Variants in ANOS1 observed in about 807,000 individuals in gnomAD.
ANOS1 encodes anosmin 1, also known as anosmin-1.
In ANOS1, 6 loss-of-function variants were observed where a neutral mutation model predicts 59.0. The observed-to-expected ratio is 0.10, with a 90% CI of 0.06 to 0.20. The LOEUF (loss-of-function observed/expected upper bound fraction) is 0.20. Ranked by LOEUF, ANOS1 falls within the 10% of genes least tolerant of loss-of-function variation. ANOS1 has a pLI of 1.00. For synonymous variants in ANOS1, 217 were observed against 223.4 expected, an observed-to-expected ratio of 0.97 and a Z score of 0.25; for missense variants, 433 against 542.3, an observed-to-expected ratio of 0.80 and a Z score of 2.00.
Position 8,542,977 on chromosome X carries a change from C to A in ANOS1, c.1355-3219G>T, listed in dbSNP as rs1231616559. On this transcript the variant is annotated intron_variant, in intron 9 of 13. Transcript: ENST00000262648. ...ATTCATCTCATGCAGACACTCCTCT[C>A]GTTCCCAATGTTTTGTTTGATTCTG... Among the ~76,000 whole-genome samples, 24 of 111,275 alleles carry A rather than the reference C, an allele frequency of 2.2e-4. No individual in the cohort carries two copies. The Admixed American group carries it at 2.3e-3, about 11-fold the overall frequency.
intron 7 of ANOS1, among the ~76,000 whole-genome samples, chrX:8,569,164 A>G (rs1358717752): frequency 1.8e-5 from 2 of 112,071 alleles, no homozygotes; most frequent in Non-Finnish European, 3.8e-5. Context: ...TTTCTGTCAT[A>G]ATGTATTGGG....
intron 1 of ANOS1, among the ~76,000 whole-genome samples, chrX:8,722,255 C>T (rs761120463): frequency 9.0e-6 from 1 of 111,496 alleles, no homozygotes; most frequent in South Asian, 3.8e-4. Context: ...TTTGGTTACA[C>T]AAGTAAGTTC....
intron 1 of ANOS1, among the ~76,000 whole-genome samples, chrX:8,707,811 T>C (rs1932788298): frequency 8.9e-6 from 1 of 111,926 alleles, no homozygotes; most frequent in South Asian, 3.7e-4. Flanking sequence ...ACCCTTAGGG[T>C]GCATTATAAC....
chrX:8,580,759 T>G (rs1157815725), intron 6 of ANOS1, among the ~76,000 whole-genome samples: 2 of 111,705 alleles, frequency 1.8e-5, no homozygotes, highest in African/African-American at 6.5e-5. Flanking sequence ...GCTGTTTAAT[T>G]TTACTTTTAT....
chrX:8,626,329 T>C (rs1266499357), intron 2 of ANOS1, among the ~76,000 whole-genome samples: 5 of 109,906 alleles, frequency 4.5e-5, no homozygotes, highest in African/African-American at 6.6e-5. Flanking sequence ...ATTAAGAACA[T>C]ATATTTCTCA....
intron 6 of ANOS1, among the ~76,000 whole-genome samples, chrX:8,582,386 A>G (rs892075556): frequency 3.4e-4 from 38 of 111,994 alleles, no homozygotes; most frequent in African/African-American, 1.2e-3. Context: ...AAATGCCAAT[A>G]TCCTGAAGCA....
chrX:8,662,718 A>G (rs1335070262), intron 2 of ANOS1, among the ~76,000 whole-genome samples: 1 of 112,549 alleles, frequency 8.9e-6, no homozygotes, highest in Non-Finnish European at 1.9e-5. Flanking sequence ...AGATACACAT[A>G]GAGGGAAAAA....
At chrX:8,545,818 C>T (rs1219566423) in intron 9 of ANOS1, among the ~76,000 whole-genome samples, 1 of 112,123 alleles carries the variant, frequency 8.9e-6, no homozygotes, top group African/African-American at 3.2e-5. Context: ...ACATAAGAAC[C>T]CATTTCTGTT....
chrX:8,621,578 G>A (rs1397677439), intron 3 of ANOS1, among the ~76,000 whole-genome samples: 2 of 111,751 alleles, frequency 1.8e-5, no homozygotes, highest in African/African-American at 6.5e-5. Context: ...ATAATACAAA[G>A]TAAATATCAT....
chrX:8,621,667 G>A (rs1167576149), intron 3 of ANOS1, among the ~76,000 whole-genome samples: 1 of 111,981 alleles, frequency 8.9e-6, no homozygotes. Flanking sequence ...CACCGTGTAA[G>A]ATCAATAGGA....
chrX:8,669,822 T>A (rs552002337), intron 2 of ANOS1, among the ~76,000 whole-genome samples: 2 of 111,503 alleles, frequency 1.8e-5, no homozygotes, highest in African/African-American at 6.5e-5. Context: ...ATGTGGTAGA[T>A]CAGAAAGAAA....
intron 1 of ANOS1, among the ~76,000 whole-genome samples, chrX:8,712,022 G>A (rs998622410): frequency 2.5e-4 from 28 of 112,384 alleles, no homozygotes; most frequent in African/African-American, 8.7e-4. Flanking sequence ...ATATGACTTT[G>A]TTTCCTACGG....
At chrX:8,540,774 G>T (rs1929670474) in intron 9 of ANOS1, among the ~76,000 whole-genome samples, 1 of 109,429 alleles carries the variant, frequency 9.1e-6, no homozygotes, top group African/African-American at 3.3e-5. Flanking sequence ...TTTGGAACCA[G>T]AAAAGAAGAA....
chrX:8,639,889 C>A (rs193145274), intron 2 of ANOS1, among the ~76,000 whole-genome samples: 2 of 110,925 alleles, frequency 1.8e-5, no homozygotes, highest in African/African-American at 6.6e-5. Flanking sequence ...AAATCAGTGA[C>A]CCCTCTAGCT....
chrX:8,554,239 G>T, intron 8 of ANOS1, 141 bp from the exon 9 acceptor site: 2 of 518,345 alleles, frequency 3.9e-6, no homozygotes, highest in Non-Finnish European at 6.6e-6. Context: ...TATTTCCAAC[G>T]GAGGTACCGG....
chrX:8,704,431 C>A (rs1231688117), intron 1 of ANOS1, among the ~76,000 whole-genome samples: 1 of 111,770 alleles, frequency 8.9e-6, no homozygotes, highest in Non-Finnish European at 1.9e-5. Context: ...ACCAACTCTC[C>A]TTCTTTCCTG....
intron 2 of ANOS1, among the ~76,000 whole-genome samples, chrX:8,666,330 G>A (rs968462976): frequency 3.6e-5 from 4 of 111,385 alleles, no homozygotes; most frequent in East Asian, 5.7e-4. Context: ...AGAATAACAC[G>A]GTTATAGGGA....
At chrX:8,552,076 T>C (rs1001233250) in intron 9 of ANOS1, among the ~76,000 whole-genome samples, 4 of 112,141 alleles carry the variant, frequency 3.6e-5, no homozygotes, top group Non-Finnish European at 5.6e-5. Context: ...AGAAATCCAA[T>C]TGTCAGTAAA....
intron 2 of ANOS1, among the ~76,000 whole-genome samples, chrX:8,653,796 C>G (rs1198202248): frequency 8.9e-6 from 1 of 111,886 alleles, no homozygotes; most frequent in Non-Finnish European, 1.9e-5. Context: ...TCTTTTCACC[C>G]TATGGTCCAG....
Sources: gnomAD v4.1 joint callset for allele counts (sites outside exome capture counted in the v4.1 genomes callset) on GRCh38, gnomAD v4.1.1 for gene constraint, MANE v1.5 for transcripts, NCBI Gene and HGNC (gene_info 2026-07-23, HGNC 2026-07-21) for gene names.